Variants in MRPL13 observed in about 807,000 individuals in gnomAD.
MRPL13 encodes the protein large ribosomal subunit protein uL13m.
Under a neutral mutation model 29.0 loss-of-function variants are expected in MRPL13, and 33 were observed. That is an observed-to-expected ratio of 1.14 (90% CI 0.86 to 1.52). The LOEUF (loss-of-function observed/expected upper bound fraction) is 1.52, where lower values mean the gene tolerates loss of function less well. Among genes scored for constraint, MRPL13 ranks in the 40% most tolerant of loss-of-function variants. The pLI, the probability that MRPL13 is intolerant of heterozygous loss-of-function variation, is 0.00. For missense variants in MRPL13, 227 were observed against 216.7 expected, an observed-to-expected ratio of 1.05 and a Z score of -0.30; for synonymous variants, 77 against 68.4, an observed-to-expected ratio of 1.13 and a Z score of -0.62.
chr8:120,426,207 C>G (rs530824100), intron 3 of MRPL13, among the ~76,000 whole-genome samples: 1 of 152,078 alleles, frequency 6.6e-6, no homozygotes, highest in African/African-American at 2.4e-5. Flanking sequence ...CAGATGAAGT[C>G]CAAACGATTT....
At chr8:120,440,393 G>A (rs1358361101) in intron 2 of MRPL13, among the ~76,000 whole-genome samples, 2 of 152,154 alleles carry the variant, frequency 1.3e-5, no homozygotes, top group Non-Finnish European at 2.9e-5. Context: ...GATCACCTGC[G>A]GTCAGGAGTT....
chr8:120,406,555 ATGTGTGTGTG>A (rs72150915), intron 6 of MRPL13, among the ~76,000 whole-genome samples: 5,909 of 146,924 alleles, frequency 0.04, 120 homozygotes, highest in Middle Eastern at 0.13. Context: ...ATATGTGTGC[ATGTGTGTGTG>A]TGTGTGTGTG....
chr8:120,418,860 T>C (rs777995527), intron 5 of MRPL13, among the ~76,000 whole-genome samples: 14 of 152,040 alleles, frequency 9.2e-5, no homozygotes, highest in Non-Finnish European at 1.8e-4. Flanking sequence ...TATTCACTTA[T>C]AGCGAAGACA....
At chr8:120,439,506 A>T (rs2130486661) in intron 2 of MRPL13, among the ~76,000 whole-genome samples, 1 of 152,290 alleles carries the variant, frequency 6.6e-6, no homozygotes, top group East Asian at 1.9e-4. Flanking sequence ...GTTCAGAGGA[A>T]CCTAACTCCG....
At chr8:120,421,873 A>C (rs946247358) in intron 4 of MRPL13, among the ~76,000 whole-genome samples, 1 of 151,838 alleles carries the variant, frequency 6.6e-6, no homozygotes, top group Non-Finnish European at 1.5e-5. Context: ...AATATTTATG[A>C]AGTATTAAAA....
At chr8:120,406,092 A>C (rs1812664344) in intron 6 of MRPL13, among the ~76,000 whole-genome samples, 1 of 152,202 alleles carries the variant, frequency 6.6e-6, no homozygotes, top group Non-Finnish European at 1.5e-5. Flanking sequence ...AGTATTCTAA[A>C]ATAATCACAG....
In MRPL13 at chr8:120,432,100, T is replaced by TTTATTTA; in HGVS notation, c.174_175insTAAATAA (p.Ile59Ter). On this transcript the variant is annotated stop_gained and frameshift_variant, in exon 3 of 7. Coordinates refer to ENST00000306185, the MANE Select transcript of MRPL13 (RefSeq NM_014078.6). LOFTEE classifies it high-confidence loss of function. ...AATGCAATGTGTCTTGTGTTCATTA[T>TTTATTTA]AACAACATGATCCCCACAGTCACCT... The TTTATTTA allele has an allele frequency of 6.2e-7, 1 of 1,604,370 alleles. No homozygotes were observed. The highest frequency in any genetic ancestry group is 8.5e-7 in the Non-Finnish European group (1 of 1,175,868).
At chr8:120,439,733 A>G (rs895334567) in intron 2 of MRPL13, among the ~76,000 whole-genome samples, 3 of 152,240 alleles carry the variant, frequency 2.0e-5, no homozygotes, top group Non-Finnish European at 2.9e-5. Flanking sequence ...CTATACTCAC[A>G]GATTTCAGAG....
chr8:120,444,866 G>C, intron 1 of MRPL13: 1 of 493,690 alleles, frequency 2.0e-6, no homozygotes, highest in Admixed American at 3.2e-5. Context: ...AGGGCAGATT[G>C]AAAAGAAGAG....
chr8:120,424,548 T>C (rs532594281), intron 4 of MRPL13, among the ~76,000 whole-genome samples: 10 of 152,206 alleles, frequency 6.6e-5, no homozygotes, highest in Non-Finnish European at 1.5e-4. Flanking sequence ...GAGGATGGCT[T>C]GAGCCCATGA....
intron 1 of MRPL13, among the ~76,000 whole-genome samples, chr8:120,444,646 T>C (rs1350893679): frequency 6.6e-6 from 1 of 152,046 alleles, no homozygotes; most frequent in African/African-American, 2.4e-5. Context: ...TTCTGAACAG[T>C]CTATTCTCGA....
chr8:120,420,276 A>G lies in MRPL13; in HGVS notation c.307-338T>C, dbSNP rs1225582422. Among the ~76,000 whole-genome samples the G allele has an allele frequency of 2.6e-5, 4 of 151,288 alleles. No individual in the cohort carries two copies. In the East Asian group the frequency reaches 7.8e-4, roughly 29 times the overall value. On this transcript the variant is annotated intron_variant, in intron 4 of 6. Coordinates refer to ENST00000306185, the MANE Select transcript of MRPL13 (RefSeq NM_014078.6). ...AAAGCTAAACCCACTAAAACAATAC[A>G]TGTTAGAATAGGGTTACTTTGTTAA... is the stretch of plus-strand genomic sequence containing the variant.
chr8:120,430,051 C>G (rs560946532), intron 3 of MRPL13, among the ~76,000 whole-genome samples: 2 of 152,276 alleles, frequency 1.3e-5, no homozygotes, highest in Non-Finnish European at 2.9e-5. Context: ...CACCTGATGT[C>G]AGGAGTTCGA....
At chr8:120,414,609 A>G (rs531882644) in intron 5 of MRPL13, 4 of 152,242 alleles carry the variant, frequency 2.6e-5, no homozygotes, top group Admixed American at 2.6e-4. Flanking sequence ...CTAAAGGCTT[A>G]TAATTTTTAA....
chr8:120,418,082 C>T (rs1317189499), intron 5 of MRPL13, among the ~76,000 whole-genome samples: 4 of 152,028 alleles, frequency 2.6e-5, no homozygotes, highest in Non-Finnish European at 5.9e-5. Flanking sequence ...AAAAGTAGCG[C>T]ACATAAATAT....
intron 3 of MRPL13, among the ~76,000 whole-genome samples, chr8:120,428,143 A>G (rs1017842298): frequency 6.7e-6 from 1 of 150,116 alleles, no homozygotes; most frequent in Non-Finnish European, 1.5e-5. Context: ...AAAAAAAAAA[A>G]AAAACCAGAC....
At chr8:120,410,935 C>T (rs750299256) in intron 6 of MRPL13, among the ~76,000 whole-genome samples, 21 of 151,834 alleles carry the variant, frequency 1.4e-4, no homozygotes, top group African/African-American at 3.9e-4. Context: ...CCACCATATC[C>T]GGCTAGTTTT....
chr8:120,428,153 CA>C (rs1448330453), intron 3 of MRPL13, among the ~76,000 whole-genome samples: 1 of 139,914 alleles, frequency 7.1e-6, no homozygotes, highest in East Asian at 2.1e-4. Context: ...AAAAACCAGA[CA>C]CATACACCAG....
chr8:120,439,199 C>A (rs1261681777), intron 2 of MRPL13, among the ~76,000 whole-genome samples: 1 of 152,216 alleles, frequency 6.6e-6, no homozygotes, highest in Non-Finnish European at 1.5e-5. Flanking sequence ...ACCTTTCATA[C>A]AACAAACAAG....
Sources: allele counts gnomAD v4.1 joint callset (sites outside exome capture counted in the v4.1 genomes callset), GRCh38; gene constraint gnomAD v4.1.1; transcripts MANE v1.5; gene names NCBI Gene and HGNC (gene_info 2026-07-23, HGNC 2026-07-21).